Variants in PHKA1 observed in about 807,000 individuals in gnomAD.
The protein encoded by PHKA1 is phosphorylase kinase regulatory subunit alpha 1, also known as phosphorylase b kinase regulatory subunit alpha, skeletal muscle isoform.
Under a neutral mutation model 110.2 loss-of-function variants are expected in PHKA1, and 60 were observed. That is an observed-to-expected ratio of 0.54 (90% CI 0.44 to 0.68). The LOEUF (loss-of-function observed/expected upper bound fraction) is 0.68. Ranked by LOEUF, PHKA1 falls within the 30% of genes least tolerant of loss-of-function variation. The pLI, the probability that PHKA1 is intolerant of heterozygous loss-of-function variation, is 0.00. For synonymous variants in PHKA1, 316 were observed against 333.6 expected (o/e 0.95, Z 0.58); for missense variants, 801 against 942.5 (o/e 0.85, Z 1.97).
At chrX:72,603,089 T>C (rs2052679371) in intron 26 of PHKA1, 30 bp downstream of exon 26, 1 of 965,003 alleles carries the variant, frequency 1.0e-6, no homozygotes, top group Non-Finnish European at 1.5e-6. Context: ...CCAAACAGTA[T>C]GAAATGAAAA....
chrX:72,595,506 T>C (rs1040636092), intron 28 of PHKA1, among the ~76,000 whole-genome samples: 5 of 112,006 alleles, frequency 4.5e-5, no homozygotes, highest in Non-Finnish European at 9.4e-5. Flanking sequence ...AGGTAAAAAC[T>C]ATTTGCAGAT....
chrX:72,647,425 A>T (rs1318253083), intron 13 of PHKA1, among the ~76,000 whole-genome samples: 1 of 111,863 alleles, frequency 8.9e-6, no homozygotes, highest in African/African-American at 3.2e-5. Context: ...AGACATGTTG[A>T]ATAAATTTAC....
Position 72,652,465 on chromosome X carries a change from T to G in PHKA1, c.1245+79A>C. ...AAAGGCAGAAGACATCCTTCAGATTTAATGAGCTACTTAAAAATCTGATTA... is the reference window on the plus strand; with the variant it reads ...AAAGGCAGAAGACATCCTTCAGATTGAATGAGCTACTTAAAAATCTGATTA... On this transcript the variant is annotated intron_variant, in intron 12 of 31. Transcript: ENST00000373542. 3 of 598,568 alleles carry G rather than the reference T, an allele frequency of 5.0e-6. No homozygotes were observed. In the South Asian group the frequency reaches 7.0e-5, roughly 14 times the overall value. 49.3% of individuals were successfully genotyped at this position (598,568 alleles called of 1,213,427 possible).
At chrX:72,623,012 C>G in intron 18 of PHKA1, 97 bp downstream of exon 18, 4 of 1,189,235 alleles carry the variant, frequency 3.4e-6, no homozygotes, top group African/African-American at 1.7e-5. Context: ...GGATAGAACA[C>G]TGTGAGACTG....
At chrX:72,662,766 T>C (rs1458282212) in intron 8 of PHKA1, among the ~76,000 whole-genome samples, 1 of 111,571 alleles carries the variant, frequency 9.0e-6, no homozygotes, top group African/African-American at 3.3e-5. Flanking sequence ...CCTAGGCCAT[T>C]GAGGTACTCA....
Position 72,652,651 on chromosome X carries a change from C to A in PHKA1, c.1138G>T (p.Val380Phe), listed in dbSNP as rs2053444537. The A allele has an allele frequency of 1.5e-5, 17 of 1,106,968 alleles. No individual in the cohort carries two copies. Among genetic ancestry groups the A allele is most frequent in the Non-Finnish European group, 2.0e-5 (16 of 802,603 alleles). The allele number at this position is 1,106,968 out of a possible 1,213,427, so 91.2% of individuals were successfully genotyped here. A position where few individuals can be genotyped will look rare whatever the true frequency, so the allele number is the denominator to read the frequency against. ...PELYSVPPDR[V>F]DEEYQNPHTV... ...TGAGGATTCTGATATTCTTCATCGACCTAAAAGAAAAGATGAAGAGGCCAG... is the reference window on the plus strand; with the variant it reads ...TGAGGATTCTGATATTCTTCATCGAACTAAAAGAAAAGATGAAGAGGCCAG... The change falls in exon 12 of 32, where the codon GTC becomes TTC. Residue 380 changes from valine (V) to phenylalanine (F), a missense_variant and splice_region_variant. Around this residue, in one of 2 missense-constraint regions of PHKA1, gnomAD observed 299 missense variants for 423.3 expected, o/e 0.71. Coordinates refer to ENST00000373542, the MANE Select transcript of PHKA1 (RefSeq NM_002637.4).
chrX:72,671,326 C>T (rs1165919410), intron 6 of PHKA1, among the ~76,000 whole-genome samples: 1 of 110,798 alleles, frequency 9.0e-6, no homozygotes, highest in African/African-American at 3.3e-5. Context: ...TGAGTGAACT[C>T]CCATTCACAA....
chrX:72,702,906 T>C (rs1556330423), intron 3 of PHKA1, among the ~76,000 whole-genome samples: 2 of 111,602 alleles, frequency 1.8e-5, no homozygotes, highest in Admixed American at 9.5e-5. Flanking sequence ...GAAAGACTTA[T>C]CAGAAACTCA....
intron 10 of PHKA1, among the ~76,000 whole-genome samples, chrX:72,654,764 A>G (rs2053469738): frequency 9.3e-6 from 1 of 108,054 alleles, no homozygotes; most frequent in African/African-American, 3.4e-5. Context: ...TAAGCCCTGT[A>G]GTTTTTATTT....
chrX:72,666,420 TTATC>T (rs1244762075), intron 7 of PHKA1, 123 bp from the exon 8 acceptor site: 14 of 592,935 alleles, frequency 2.4e-5, no homozygotes, highest in African/African-American at 4.5e-5. Flanking sequence ...AGAACATTCT[TTATC>T]TATTTTAAGT....
At chrX:72,600,077 T>A (rs892936527) in intron 28 of PHKA1, among the ~76,000 whole-genome samples, 44 of 110,353 alleles carry the variant, frequency 4.0e-4, no homozygotes, top group African/African-American at 1.4e-3. Context: ...TTTTTTTTCA[T>A]AATCAGAAAA....
Position 72,652,671 on chromosome X carries a change from G to A in PHKA1, c.1138-20C>T, listed in dbSNP as rs192417545. On this transcript the variant is annotated intron_variant, in intron 11 of 31. Transcript: ENST00000373542. ...ATCGACCTAAAAGAAAAGATGAAGA[G>A]GCCAGATGAGGAATAATAGAAGGTT... 1.2e-5 allele frequency: 11 copies of A among 897,662 alleles called. No individual in the cohort carries two copies. In the Admixed American group the frequency reaches 1.3e-4, roughly 11 times the overall value. The allele number at this position is 897,662 out of a possible 1,213,427, so 74.0% of individuals were successfully genotyped here.
intron 21 of PHKA1, among the ~76,000 whole-genome samples, chrX:72,612,549 T>C (rs1004047287): frequency 2.6e-4 from 29 of 112,275 alleles, no homozygotes; most frequent in Non-Finnish European, 1.1e-4. Flanking sequence ...ATGAGGGTAC[T>C]TGCCATAGCA....
chrX:72,583,944 G>A (rs140173992), intron 30 of PHKA1, among the ~76,000 whole-genome samples: 4 of 112,299 alleles, frequency 3.6e-5, no homozygotes, highest in African/African-American at 9.7e-5. Flanking sequence ...TGTGAAGGAC[G>A]GGAGACATGA....
In PHKA1 at chrX:72,695,889, A is replaced by G; in HGVS notation, c.286-13T>C. ...CTACTTTATCCACCTGAAAAGAACA[A>G]AAACATTAAAAGAAGGATATACTGA... is the stretch of plus-strand genomic sequence containing the variant. On this transcript the variant is annotated splice_polypyrimidine_tract_variant and intron_variant, in intron 3 of 31. Transcript: ENST00000373542. 1 of 1,186,443 alleles carries G rather than the reference A, an allele frequency of 8.4e-7. No homozygotes were observed. Among genetic ancestry groups the G allele is most frequent in the Non-Finnish European group, 1.1e-6 (1 of 872,402 alleles).
intron 3 of PHKA1, among the ~76,000 whole-genome samples, chrX:72,696,202 T>G (rs1556327372): frequency 8.9e-6 from 1 of 112,134 alleles, no homozygotes; most frequent in South Asian, 3.8e-4. Context: ...AGATTCAGAG[T>G]GCTTGAGTGA....
At chrX:72,702,004 T>G (rs2054211302) in intron 3 of PHKA1, among the ~76,000 whole-genome samples, 1 of 111,710 alleles carries the variant, frequency 9.0e-6, no homozygotes, top group Non-Finnish European at 1.9e-5. Flanking sequence ...GAATTCTAAT[T>G]TTTTTTGGCT....
chrX:72,591,293 T>G (rs782761939), intron 29 of PHKA1, among the ~76,000 whole-genome samples: 1 of 111,689 alleles, frequency 9.0e-6, no homozygotes, highest in South Asian at 3.8e-4. Context: ...ACCATCATTC[T>G]GAGCAAACTA....
intron 5 of PHKA1, among the ~76,000 whole-genome samples, chrX:72,678,665 T>C (rs952343939): frequency 8.9e-6 from 1 of 112,188 alleles, no homozygotes; most frequent in Non-Finnish European, 1.9e-5. Context: ...TTATCTATGT[T>C]AGGTTTGTGC....
Sources: gnomAD v4.1 joint callset for allele counts (sites outside exome capture counted in the v4.1 genomes callset) on GRCh38, gnomAD v4.1.1 for gene constraint, gnomAD v4.1.1 regional missense constraint, MANE v1.5 for transcripts, NCBI Gene and HGNC (gene_info 2026-07-23, HGNC 2026-07-21) for gene names.